PDSS2: variants seen among roughly 807,000 people sequenced by gnomAD.
PDSS2 encodes the protein decaprenyl diphosphate synthase subunit 2.
Under a neutral mutation model 44.5 loss-of-function variants are expected in PDSS2, and 31 were observed. The ratio of observed to expected loss-of-function variants is 0.70; its 90% CI spans 0.52 to 0.94. The LOEUF is 0.94. PDSS2 is among the 40% of genes least tolerant of loss of function. PDSS2 has a pLI of 0.00. For synonymous variants in PDSS2, 157 were observed against 180.3 expected (o/e 0.87, Z 1.03); for missense variants, 452 against 482.2 (o/e 0.94, Z 0.59).
chr6:107,265,937 TCAAA>T (rs557962602), intron 3 of PDSS2, among the ~76,000 whole-genome samples: 22 of 152,150 alleles, frequency 1.4e-4, no homozygotes, highest in African/African-American at 4.1e-4. Context: ...CAAAACTGTC[TCAAA>T]CAAACAAACA....
chr6:107,390,976 T>C (rs1297572224), intron 1 of PDSS2, among the ~76,000 whole-genome samples: 3 of 151,962 alleles, frequency 2.0e-5, no homozygotes, highest in African/African-American at 7.3e-5. Flanking sequence ...TTTTAACCTT[T>C]TTTGGAATTT....
intron 2 of PDSS2, among the ~76,000 whole-genome samples, chr6:107,277,605 T>C (rs1287590569): frequency 6.6e-6 from 1 of 151,654 alleles, no homozygotes; most frequent in Non-Finnish European, 1.5e-5. Context: ...CCAAGGAAGA[T>C]GCAACAAAAG....
intron 1 of PDSS2, among the ~76,000 whole-genome samples, chr6:107,371,396 C>T (rs1440377096): frequency 1.3e-5 from 2 of 151,992 alleles, no homozygotes; most frequent in African/African-American, 4.8e-5. Context: ...ATTCTAACTC[C>T]CATATAAGAA....
At chr6:107,367,723 T>C (rs1233181744) in intron 1 of PDSS2, among the ~76,000 whole-genome samples, 5 of 144,774 alleles carry the variant, frequency 3.5e-5, no homozygotes, top group African/African-American at 1.3e-4. Context: ...GAGGCGGAGG[T>C]TGCAGTGAGC....
chr6:107,203,729 T>A (rs1468632656), intron 6 of PDSS2, among the ~76,000 whole-genome samples: 1 of 152,128 alleles, frequency 6.6e-6, no homozygotes, highest in African/African-American at 2.4e-5. Context: ...ACATTCACAA[T>A]GTTATGCAAT....
At chr6:107,400,004 C>A (rs1399593696) in intron 1 of PDSS2, among the ~76,000 whole-genome samples, 1 of 151,994 alleles carries the variant, frequency 6.6e-6, no homozygotes, top group South Asian at 2.1e-4. Context: ...AAAATAAGAG[C>A]GGGCAGCAGC....
intron 1 of PDSS2, among the ~76,000 whole-genome samples, chr6:107,352,493 T>C (rs895096502): frequency 3.3e-5 from 5 of 152,148 alleles, no homozygotes; most frequent in African/African-American, 9.7e-5. Flanking sequence ...TGCAAAATAG[T>C]TTTCAAACTC....
In PDSS2 at chr6:107,391,052, G is replaced by T. The variant is rs925328811; in HGVS notation, c.297-56720C>A. On this transcript the variant is annotated intron_variant, in intron 1 of 7. Transcript: ENST00000369037. ...CCTTGAACTGATGGGGGGAGGGTGG[G>T]GAGAGGAAATGCAGAAGATGATTTG... is the stretch of plus-strand genomic sequence containing the variant. 3.3e-5 allele frequency among the ~76,000 whole-genome samples: 5 copies of T among 151,496 alleles called. No individual in the cohort carries two copies. The East Asian group carries it at 7.8e-4, about 24-fold the overall frequency.
chr6:107,272,828 T>A (rs28525183), intron 3 of PDSS2, among the ~76,000 whole-genome samples: 1 of 152,050 alleles, frequency 6.6e-6, no homozygotes, highest in Non-Finnish European at 1.5e-5. Context: ...ATAAAAAATT[T>A]AAAAATTAGC....
At chr6:107,210,322 T>A (rs1773153900) in intron 6 of PDSS2, 117 bp downstream of exon 6, 1 of 774,928 alleles carries the variant, frequency 1.3e-6, no homozygotes, top group Admixed American at 2.0e-5. Flanking sequence ...GGATTTTACC[T>A]GTTACGTGAA....
At chr6:107,198,390 C>T (rs931471099) in intron 6 of PDSS2, among the ~76,000 whole-genome samples, 1 of 152,166 alleles carries the variant, frequency 6.6e-6, no homozygotes, top group Non-Finnish European at 1.5e-5. Context: ...GAACATGCAA[C>T]TATTGATATG....
At chr6:107,197,338 T>C (rs764348612) in intron 6 of PDSS2, among the ~76,000 whole-genome samples, 16 of 151,782 alleles carry the variant, frequency 1.1e-4, no homozygotes, top group Non-Finnish European at 2.1e-4. Context: ...CAAAATATGG[T>C]ACGTGCCTGT....
chr6:107,421,461 T>A (rs1202492311), intron 1 of PDSS2, among the ~76,000 whole-genome samples: 1 of 152,126 alleles, frequency 6.6e-6, no homozygotes, highest in Non-Finnish European at 1.5e-5. Context: ...AATGGATATA[T>A]AAACTATGGT....
intron 6 of PDSS2, among the ~76,000 whole-genome samples, chr6:107,202,229 G>A (rs949234835): frequency 2.2e-4 from 33 of 152,010 alleles, no homozygotes; most frequent in African/African-American, 8.0e-4. Flanking sequence ...TAGTAGAGAT[G>A]GGATCTTGCT....
At chr6:107,354,763 AC>A (rs1467151729) in intron 1 of PDSS2, among the ~76,000 whole-genome samples, 1 of 152,156 alleles carries the variant, frequency 6.6e-6, no homozygotes, top group East Asian at 1.9e-4. Context: ...GAGGATCCTT[AC>A]CTTAAAAAAA....
At chr6:107,370,271 C>T (rs942773407) in intron 1 of PDSS2, among the ~76,000 whole-genome samples, 2 of 152,110 alleles carry the variant, frequency 1.3e-5, no homozygotes, top group African/African-American at 2.4e-5. Flanking sequence ...CGCAAGGTCT[C>T]GAGTAATTCA....
At chr6:107,194,458 G>A (rs1041374550) in intron 6 of PDSS2, among the ~76,000 whole-genome samples, 4 of 152,134 alleles carry the variant, frequency 2.6e-5, no homozygotes, top group Non-Finnish European at 4.4e-5. Context: ...AAGGATAGCT[G>A]TTTTATAAAA....
At chr6:107,168,710 G>A (rs1315619861) in intron 7 of PDSS2, among the ~76,000 whole-genome samples, 2 of 151,122 alleles carry the variant, frequency 1.3e-5, no homozygotes, top group Non-Finnish European at 3.0e-5. Flanking sequence ...TGTCTGTAAA[G>A]GATTTTATTT....
At chr6:107,154,957 T>C (rs549630305) in intron 7 of PDSS2, among the ~76,000 whole-genome samples, 180 bp from the exon 8 acceptor site, 9 of 152,282 alleles carry the variant, frequency 5.9e-5, no homozygotes, top group Admixed American at 5.9e-4. Flanking sequence ...GAGGCACTCA[T>C]TCCCTAAGGC....
Sources: allele counts gnomAD v4.1 joint callset (sites outside exome capture counted in the v4.1 genomes callset), GRCh38; gene constraint gnomAD v4.1.1; transcripts MANE v1.5; gene names NCBI Gene and HGNC (gene_info 2026-07-23, HGNC 2026-07-21).